The following COP1 variants were observed in gnomAD, a reference collection of about 807,000 sequenced individuals.
The protein encoded by COP1 is COP1 E3 ubiquitin ligase, also known as E3 ubiquitin-protein ligase COP1.
COP1 carries 24 observed loss-of-function variants against 101.3 expected under a neutral mutation model. The observed-to-expected ratio is 0.24, with a 90% CI of 0.17 to 0.33. The LOEUF (loss-of-function observed/expected upper bound fraction) is 0.33. Among genes scored for constraint, COP1 ranks in the 10% least tolerant of loss-of-function variants. The pLI, the probability that COP1 is intolerant of heterozygous loss-of-function variation, is 1.00. For missense variants in COP1, 663 were observed against 906.2 expected (o/e 0.73, Z 3.45); for synonymous variants, 347 against 341.9 (o/e 1.01, Z -0.17).
At chr1:176,205,787 C>T (rs2102328711) in intron 1 of COP1, among the ~76,000 whole-genome samples, 1 of 152,310 alleles carries the variant, frequency 6.6e-6, no homozygotes, top group South Asian at 2.1e-4. Flanking sequence ...ACTATGACGA[C>T]AAAATGTCTA....
At chr1:175,968,497 C>T (rs1414491765) in intron 18 of COP1, 2 of 518,938 alleles carry the variant, frequency 3.9e-6, no homozygotes, top group Admixed American at 3.9e-5. Context: ...AGACAAAAGG[C>T]ATTTTTTCAT....
intron 18 of COP1, 108 bp from the exon 19 acceptor site, chr1:175,947,347 A>C: frequency 1.3e-6 from 1 of 765,232 alleles, no homozygotes; most frequent in Non-Finnish European, 2.3e-6. Flanking sequence ...TCCTAAGACA[A>C]TTGAATCTAA....
At chr1:176,146,377 T>G (rs907566966) in intron 6 of COP1, among the ~76,000 whole-genome samples, 1 of 152,226 alleles carries the variant, frequency 6.6e-6, no homozygotes, top group Non-Finnish European at 1.5e-5. Flanking sequence ...CTTGTGCAAT[T>G]CTGAGTGTGG....
intron 5 of COP1, among the ~76,000 whole-genome samples, chr1:176,151,209 C>T (rs1296511184): frequency 7.4e-6 from 1 of 135,738 alleles, no homozygotes; most frequent in Non-Finnish European, 1.5e-5. Flanking sequence ...GATAAGGAAG[C>T]GTGTAAGAAA....
Position 176,087,189 on chromosome 1 carries a change from T to C in COP1, c.1027-1299A>G, listed in dbSNP as rs1024103047. ...AACCTAGGCAGTACCATTCAGGACA[T>C]AGGCATGGGCAAAGACTTCATGATT... On this transcript the variant is annotated intron_variant, in intron 9 of 19. Coordinates refer to ENST00000367669, the MANE Select transcript of COP1 (RefSeq NM_022457.7). Among the ~76,000 whole-genome samples the C allele has an allele frequency of 4.6e-5, 7 of 152,288 alleles. No homozygotes were observed. The South Asian group carries it at 1.2e-3, about 27-fold the overall frequency.
intron 1 of COP1, among the ~76,000 whole-genome samples, chr1:176,193,522 T>C (rs746206446): frequency 9.2e-5 from 14 of 152,074 alleles, no homozygotes; most frequent in Non-Finnish European, 1.9e-4. Context: ...GCCCAAATTG[T>C]CCATCAACTG....
At chr1:176,115,392 G>C (rs1686012048) in intron 9 of COP1, among the ~76,000 whole-genome samples, 1 of 152,106 alleles carries the variant, frequency 6.6e-6, no homozygotes. Flanking sequence ...AGAGGTTGCA[G>C]TGAGCCAAGA....
At chr1:176,186,538 T>C (rs1698462045) in intron 1 of COP1, among the ~76,000 whole-genome samples, 1 of 151,072 alleles carries the variant, frequency 6.6e-6, no homozygotes, top group Admixed American at 6.6e-5. Context: ...AGACCCTATC[T>C]CAAAAAGAAA....
chr1:176,146,551 A>G (rs1691611456), intron 6 of COP1, among the ~76,000 whole-genome samples: 1 of 152,210 alleles, frequency 6.6e-6, no homozygotes, highest in Non-Finnish European at 1.5e-5. Context: ...GTAGTGAGCT[A>G]TCCTATGGAG....
In COP1 at chr1:176,006,799, A is replaced by G. The variant is rs376209430; in HGVS notation, c.1730-17320T>C. Reference sequence around the variant, plus strand: ...CCTTAACATTTTTTCCTTCATTTCAACTTTGGTGAATCTGACAATTATGTG... The same window carrying G: ...CCTTAACATTTTTTCCTTCATTTCAGCTTTGGTGAATCTGACAATTATGTG... On this transcript the variant is annotated intron_variant, in intron 15 of 19. Transcript: ENST00000367669. Among the ~76,000 whole-genome samples the G allele has an allele frequency of 4.6e-5, 7 of 151,824 alleles. No individual in the cohort carries two copies. In the South Asian group the frequency reaches 1.3e-3, roughly 27 times the overall value.
At chr1:175,973,683 G>A (rs968885575) in intron 18 of COP1, among the ~76,000 whole-genome samples, 22 of 152,132 alleles carry the variant, frequency 1.4e-4, no homozygotes, top group African/African-American at 5.3e-4. Flanking sequence ...CATTAGAGAT[G>A]TGATATACAT....
At chr1:175,991,558 A>G (rs987375923) in intron 15 of COP1, among the ~76,000 whole-genome samples, 2 of 152,216 alleles carry the variant, frequency 1.3e-5, no homozygotes, top group East Asian at 3.8e-4. Flanking sequence ...TCAGAAATAA[A>G]TCAACCTTAC....
intron 1 of COP1, among the ~76,000 whole-genome samples, chr1:176,187,357 CATATATACACACTATATACACAT>C (rs1558284359): frequency 1.3e-5 from 2 of 151,384 alleles, no homozygotes; most frequent in Admixed American, 6.6e-5. Context: ...TATATATACA[CATATATACACACTATATACACAT>C]ATATATACAC....
At chr1:176,175,529 C>T (rs1349608872) in intron 3 of COP1, among the ~76,000 whole-genome samples, 2 of 152,128 alleles carry the variant, frequency 1.3e-5, no homozygotes, top group African/African-American at 4.8e-5. Context: ...GGTTCATACT[C>T]CTCTGAGAAT....
chr1:176,060,440 C>T (rs941840432), intron 11 of COP1, among the ~76,000 whole-genome samples: 4 of 152,078 alleles, frequency 2.6e-5, no homozygotes, highest in East Asian at 1.9e-4. Context: ...AAAGTTACTA[C>T]GACATTTTGT....
chr1:175,982,667 G>C (rs1656148888), intron 18 of COP1, among the ~76,000 whole-genome samples: 1 of 152,050 alleles, frequency 6.6e-6, no homozygotes, highest in Non-Finnish European at 1.5e-5. Flanking sequence ...CTGAGTGGAG[G>C]GTCAGTGCCT....
intron 15 of COP1, among the ~76,000 whole-genome samples, chr1:176,017,940 G>A (rs1665965831): frequency 6.6e-6 from 1 of 152,200 alleles, no homozygotes; most frequent in African/African-American, 2.4e-5. Flanking sequence ...TGACAAAAGA[G>A]AGAGCAAGCT....
chr1:176,124,549 C>A (rs1449368030), intron 8 of COP1, among the ~76,000 whole-genome samples: 4 of 151,940 alleles, frequency 2.6e-5, no homozygotes, highest in Non-Finnish European at 5.9e-5. Context: ...TAGCTTATTT[C>A]ACTTAACATA....
chr1:175,995,065 C>A (rs1659779141), intron 15 of COP1, among the ~76,000 whole-genome samples: 1 of 152,188 alleles, frequency 6.6e-6, no homozygotes, highest in East Asian at 1.9e-4. Context: ...ACAGCGCAAT[C>A]AAACTAGAAC....
Sources: allele counts gnomAD v4.1 joint callset (sites outside exome capture counted in the v4.1 genomes callset), GRCh38; gene constraint gnomAD v4.1.1; transcripts MANE v1.5; gene names NCBI Gene and HGNC (gene_info 2026-07-23, HGNC 2026-07-21).